The following CNOT10 variants were observed in gnomAD, a reference collection of about 807,000 sequenced individuals.
CNOT10 encodes CCR4-NOT transcription complex subunit 10, also known as CCR4-NOT transcription complex, subunit 10.
Under a neutral mutation model 94.6 loss-of-function variants are expected in CNOT10, and 30 were observed. The observed-to-expected ratio is 0.32, with a 90% CI of 0.24 to 0.43. The LOEUF (loss-of-function observed/expected upper bound fraction) is 0.43, where lower values mean the gene tolerates loss of function less well. Ranked by LOEUF, CNOT10 falls within the 20% of genes least tolerant of loss-of-function variation. The probability of loss-of-function intolerance (pLI) is 1.00; values close to 1 mark genes in which losing one functional copy is unlikely to be tolerated. For synonymous variants in CNOT10, 289 were observed against 301.6 expected, an observed-to-expected ratio of 0.96 and a Z score of 0.43; for missense variants, 759 against 877.2, an observed-to-expected ratio of 0.87 and a Z score of 1.70.
chr3:32,753,900 AAAT>A lies in CNOT10; in HGVS notation c.1596-5555_1596-5553del. ...GATGATATGGAATGGAAAAAGTACT[AAAT>A]AAATTAATTTGCTCTCACACACACA... is the stretch of plus-strand genomic sequence containing the variant. On this transcript the variant is annotated intron_variant, in intron 13 of 18. Coordinates refer to ENST00000328834, the MANE Select transcript of CNOT10 (RefSeq NM_015442.3). The A allele has an allele frequency of 2.3e-6, 3 of 1,297,278 alleles. No homozygotes were observed. The South Asian group carries it at 3.7e-5, about 16-fold the overall frequency. The allele number at this position is 1,297,278 out of a possible 1,614,324, so 80.4% of individuals were successfully genotyped here.
At chr3:32,716,965 G>A (rs144220067) in intron 6 of CNOT10, among the ~76,000 whole-genome samples, 189 bp from the exon 7 acceptor site, 17 of 152,118 alleles carry the variant, frequency 1.1e-4, no homozygotes, top group African/African-American at 3.6e-4. Flanking sequence ...TTATTCTACC[G>A]TGATTTTAGT....
chr3:32,757,698 A>C (rs1330255021), intron 13 of CNOT10, among the ~76,000 whole-genome samples: 1 of 152,158 alleles, frequency 6.6e-6, no homozygotes, highest in East Asian at 1.9e-4. Flanking sequence ...TGAAGATGAG[A>C]GATAACTAGC....
chr3:32,695,526 T>C, intron 1 of CNOT10: 2 of 1,494,832 alleles, frequency 1.3e-6, no homozygotes, highest in South Asian at 1.3e-5. Flanking sequence ...TGTATTGGAA[T>C]GTGTCTGTGC....
At chr3:32,686,725 C>T (rs1202446817) in intron 1 of CNOT10, among the ~76,000 whole-genome samples, 1 of 152,186 alleles carries the variant, frequency 6.6e-6, no homozygotes, top group Non-Finnish European at 1.5e-5. Context: ...CAACATCTTC[C>T]TCCTTATTTT....
intron 13 of CNOT10, among the ~76,000 whole-genome samples, chr3:32,752,619 T>C (rs889200696): frequency 6.6e-6 from 1 of 152,236 alleles, no homozygotes; most frequent in Non-Finnish European, 1.5e-5. Flanking sequence ...AGAACTGTTA[T>C]TAGCAAAATG....
In CNOT10 at chr3:32,718,730, C is replaced by T. The variant is rs563281958; in HGVS notation, c.745-1384C>T. Among the ~76,000 whole-genome samples the T allele has an allele frequency of 3.3e-5, 5 of 152,148 alleles. No individual in the cohort carries two copies. In the South Asian group the frequency reaches 1.0e-3, roughly 32 times the overall value. On this transcript the variant is annotated intron_variant, in intron 7 of 18. Coordinates refer to ENST00000328834, the MANE Select transcript of CNOT10 (RefSeq NM_015442.3). ...CCACTAAGAATAAGCACTGAAAGCC[C>T]TTGTTTCTTTAGTGACCAGAACTTT...
intron 1 of CNOT10, among the ~76,000 whole-genome samples, chr3:32,689,045 A>G (rs1696744662): frequency 6.6e-6 from 1 of 152,056 alleles, no homozygotes; most frequent in African/African-American, 2.4e-5. Context: ...TCTACTAAAA[A>G]TACAAAAAAA....
intron 12 of CNOT10, among the ~76,000 whole-genome samples, 176 bp downstream of exon 12, chr3:32,735,152 G>GTGAA (rs1487113972): frequency 6.6e-6 from 1 of 152,208 alleles, no homozygotes; most frequent in Non-Finnish European, 1.5e-5. Context: ...GAGAAATAAG[G>GTGAA]TGAAGGCTAA....
intron 1 of CNOT10, among the ~76,000 whole-genome samples, chr3:32,688,109 G>C (rs1696708102): frequency 6.6e-6 from 1 of 152,166 alleles, no homozygotes; most frequent in Admixed American, 6.5e-5. Context: ...AGGAAGCCTA[G>C]AGACCACCTA....
At chr3:32,740,351 C>T (rs545853247) in intron 13 of CNOT10, among the ~76,000 whole-genome samples, 134 of 152,034 alleles carry the variant, frequency 8.8e-4, no homozygotes, top group African/African-American at 2.9e-3. Flanking sequence ...CCCAGCTATT[C>T]GAGAGGCTGA....
intron 8 of CNOT10, among the ~76,000 whole-genome samples, chr3:32,721,405 A>G (rs1395731640): frequency 4.4e-5 from 6 of 136,322 alleles, no homozygotes; most frequent in Non-Finnish European, 9.4e-5. Flanking sequence ...TGCTTTGTGA[A>G]GTGAGACCTA....
At chr3:32,722,321 T>TGACA (rs982142539) in intron 8 of CNOT10, among the ~76,000 whole-genome samples, 5 of 152,314 alleles carry the variant, frequency 3.3e-5, no homozygotes, top group African/African-American at 1.2e-4. Flanking sequence ...AATTCTCTTG[T>TGACA]GGGTATTATT....
intron 13 of CNOT10, among the ~76,000 whole-genome samples, chr3:32,756,160 G>A (rs528180753): frequency 1.3e-5 from 2 of 152,190 alleles, no homozygotes; most frequent in South Asian, 2.1e-4. Context: ...GAGTTGGGAT[G>A]GATTGTAATG....
chr3:32,694,814 C>G (rs1696982734), intron 1 of CNOT10, among the ~76,000 whole-genome samples: 1 of 152,148 alleles, frequency 6.6e-6, no homozygotes. Flanking sequence ...TGCTCTCAAA[C>G]TCCCCACCTC....
chr3:32,701,959 A>AT (rs1451165707), intron 1 of CNOT10, among the ~76,000 whole-genome samples: 1 of 151,710 alleles, frequency 6.6e-6, no homozygotes, highest in Non-Finnish European at 1.5e-5. Flanking sequence ...CGCCCAGCTA[A>AT]TTTTTTTATT....
intron 1 of CNOT10, among the ~76,000 whole-genome samples, chr3:32,694,211 T>G (rs947128622): frequency 1.3e-5 from 2 of 151,986 alleles, no homozygotes; most frequent in African/African-American, 4.8e-5. Context: ...AGTAACAAAC[T>G]GTAGAAATGA....
At chr3:32,719,956 T>G (rs1698296597) in intron 7 of CNOT10, among the ~76,000 whole-genome samples, 158 bp from the exon 8 acceptor site, 1 of 152,226 alleles carries the variant, frequency 6.6e-6, no homozygotes, top group African/African-American at 2.4e-5. Flanking sequence ...TTTTTTTGAT[T>G]GTGAGAGCAA....
intron 12 of CNOT10, among the ~76,000 whole-genome samples, chr3:32,736,828 G>T (rs1483215780): frequency 6.6e-6 from 1 of 151,890 alleles, no homozygotes; most frequent in Non-Finnish European, 1.5e-5. Context: ...AATGAGAAAT[G>T]CGCGAAAATA....
chr3:32,737,348 A>C (rs1699234159), intron 12 of CNOT10, 62 bp from the exon 13 acceptor site: 1 of 1,284,442 alleles, frequency 7.8e-7, no homozygotes, highest in Non-Finnish European at 1.1e-6. Context: ...AGGGAAACAA[A>C]ATTTTACGTT....
Sources: gnomAD v4.1 joint callset for allele counts (sites outside exome capture counted in the v4.1 genomes callset) on GRCh38, gnomAD v4.1.1 for gene constraint, MANE v1.5 for transcripts, NCBI Gene and HGNC (gene_info 2026-07-23, HGNC 2026-07-21) for gene names.